Variants in CBLC observed in about 807,000 individuals in gnomAD.
CBLC encodes E3 ubiquitin-protein ligase CBL-C.
Under a neutral mutation model 58.6 loss-of-function variants are expected in CBLC, and 46 were observed. The ratio of observed to expected loss-of-function variants is 0.79; its 90% confidence interval spans 0.62 to 1.00. The LOEUF is 1.00. Among genes scored for constraint, CBLC ranks in the 50% least tolerant of loss-of-function variants. CBLC has a pLI of 0.00. For synonymous variants in CBLC, 271 were observed against 264.2 expected, an observed-to-expected ratio of 1.03 and a Z score of -0.25; for missense variants, 655 against 625.8, an observed-to-expected ratio of 1.05 and a Z score of -0.50.
chr19:44,793,454 T>G lies in CBLC; in HGVS notation c.1138-20T>G, dbSNP rs1355847120. 6.3e-7 allele frequency: 1 copy of G among 1,589,050 alleles called. No homozygotes were observed. Among genetic ancestry groups the G allele is most frequent in the Non-Finnish European group, 8.5e-7 (1 of 1,170,070 alleles). On this transcript the variant is annotated intron_variant, in intron 7 of 10. Coordinates refer to ENST00000647358, the MANE Select transcript of CBLC (RefSeq NM_012116.4). The stretch of plus-strand genomic sequence containing the variant: ...GGAGAGCAGGGGAGCACTGACCCTT[T>G]CCCTCCCGACCTCCCCCAGCACTCG...
At chr19:44,787,210 G>A (rs1438700813) in intron 5 of CBLC, among the ~76,000 whole-genome samples, 2 of 151,870 alleles carry the variant, frequency 1.3e-5, no homozygotes, top group Admixed American at 6.6e-5. Context: ...TGGCTAACAC[G>A]GTGAAACCCT....
chr19:44,778,350 C>A, intron 1 of CBLC, 66 bp downstream of exon 1: 5 of 1,340,488 alleles, frequency 3.7e-6, no homozygotes, highest in Non-Finnish European at 4.8e-6. Context: ...AGCCCCTCCT[C>A]CCCCAGACCC....
At chr19:44,786,233 G>A (rs1055147870) in intron 5 of CBLC, among the ~76,000 whole-genome samples, 1 of 151,788 alleles carries the variant, frequency 6.6e-6, no homozygotes, top group African/African-American at 2.4e-5. Context: ...ACGCCCGGCT[G>A]GGTCACCACA....
At chr19:44,787,646 G>C (rs542146943) in intron 5 of CBLC, among the ~76,000 whole-genome samples, 2 of 150,152 alleles carry the variant, frequency 1.3e-5, no homozygotes, top group East Asian at 4.1e-4. Flanking sequence ...GTGAAACCCC[G>C]TCTCTACTAA....
chr19:44,790,038 G>T lies in CBLC; in HGVS notation c.952G>T (p.Asp318Tyr), dbSNP rs182254561. Reference protein sequence around the residue: ...LYPDGKTHNPDLTELGQAEPQ... With the variant: ...LYPDGKTHNPYLTELGQAEPQ... ...CCCAGATGGAAAGACCCACAACCCA[G>T]ACCTGACTGAGCTCGGCCAGGCAGA... Residue 318 changes from aspartate (D) to tyrosine (Y), a missense_variant, in exon 6 of 11, where the codon GAC becomes TAC. By Grantham distance (160) the Asp-to-Tyr change is radical. Transcript: ENST00000647358. The T allele has an allele frequency of 9.3e-6, 15 of 1,613,764 alleles. No homozygotes were observed. The African/African-American group carries it at 1.3e-4, about 14-fold the overall frequency.
intron 5 of CBLC, among the ~76,000 whole-genome samples, chr19:44,787,953 GAGAAAAAA>G (rs1395753773): frequency 6.7e-6 from 1 of 149,706 alleles, no homozygotes; most frequent in African/African-American, 2.5e-5. Flanking sequence ...TCTCAATAAA[GAGAAAAAA>G]AGAAAAAAAA....
intron 5 of CBLC, among the ~76,000 whole-genome samples, chr19:44,786,467 C>G (rs1402556953): frequency 6.7e-6 from 1 of 149,974 alleles, no homozygotes; most frequent in Non-Finnish European, 1.5e-5. Context: ...TGGTGGCGGG[C>G]ACCTGTAGTC....
At position 44,793,353 on chromosome 19, in the gene CBLC, G is replaced by A. The variant is rs1168972890; in HGVS notation, c.1138-121G>A. 33 of 1,091,460 alleles carry A rather than the reference G, an allele frequency of 3.0e-5. No homozygotes were observed. The East Asian group carries it at 4.1e-4, about 14-fold the overall frequency. The allele number at this position is 1,091,460 out of a possible 1,614,324, so 67.6% of individuals were successfully genotyped here. A position where few individuals can be genotyped will look rare whatever the true frequency, so the allele number is the denominator to read the frequency against. On this transcript the variant is annotated intron_variant, in intron 7 of 10. Transcript: ENST00000647358. ...CTCTCCACGACTCTTCTCTCCTTCCGTCTCCCTTCCTCTGTCTGTCTTCCC... is the reference window on the plus strand; with the variant it reads ...CTCTCCACGACTCTTCTCTCCTTCCATCTCCCTTCCTCTGTCTGTCTTCCC...
Position 44,800,566 on chromosome 19 carries a change from T to A in CBLC, c.*23T>A. On this transcript the variant is annotated 3_prime_UTR_variant, in exon 11 of 11. Coordinates refer to ENST00000647358, the MANE Select transcript of CBLC (RefSeq NM_012116.4). ...CCGCCTACAGGGCACCCAGATGTGC[T>A]GCTCAAGGGAGCCCCAAGGGCTGGA... The A allele has an allele frequency of 1.6e-6, 1 of 631,036 alleles. No individual in the cohort carries two copies. The highest frequency in any genetic ancestry group is 2.8e-6 in the Non-Finnish European group (1 of 358,632). 39.1% of individuals were successfully genotyped at this position (631,036 alleles called of 1,614,324 possible). A position where few individuals can be genotyped will look rare whatever the true frequency, so the allele number is the denominator to read the frequency against.
chr19:44,791,880 G>A (rs147360159), intron 6 of CBLC, among the ~76,000 whole-genome samples: 2 of 151,902 alleles, frequency 1.3e-5, no homozygotes, highest in Non-Finnish European at 2.9e-5. Flanking sequence ...TGCTGCCCAC[G>A]CTGGTCCAGA....
chr19:44,790,281 A>G (rs1440602138), intron 6 of CBLC, among the ~76,000 whole-genome samples, 190 bp downstream of exon 6: 2 of 152,120 alleles, frequency 1.3e-5, no homozygotes, highest in Non-Finnish European at 2.9e-5. Flanking sequence ...CCCAGGGGTG[A>G]TCACGGGGAT....
intron 9 of CBLC, among the ~76,000 whole-genome samples, chr19:44,796,556 G>T (rs1599874839): frequency 6.6e-6 from 1 of 151,786 alleles, no homozygotes; most frequent in East Asian, 1.9e-4. Context: ...GGCAAATTTT[G>T]TATTTTTTAG....
chr19:44,798,330 C>T (rs576852127), intron 9 of CBLC, among the ~76,000 whole-genome samples: 4 of 152,140 alleles, frequency 2.6e-5, no homozygotes, highest in South Asian at 4.1e-4. Flanking sequence ...TTAGCCACTT[C>T]GTCTAGCCTC....
rs148633387 is a variant in CBLC, at chr19:44,798,313, G to A, written c.1363-2068G>A. ...TCAAGTCTCCCAAAGTGCTGGGATT[G>A]CTGGCATTAGCCACTTCGTCTAGCC... is the stretch of plus-strand genomic sequence containing the variant. On this transcript the variant is annotated intron_variant, in intron 9 of 10. Transcript: ENST00000647358. 8.5e-3 allele frequency among the ~76,000 whole-genome samples: 1,292 copies of A among 152,208 alleles called. 21 individuals are homozygous for A. The highest frequency in any genetic ancestry group is 0.03 in the African/African-American group (1,230 of 41,522).
At chr19:44,797,273 T>C (rs1394019674) in intron 9 of CBLC, among the ~76,000 whole-genome samples, 1 of 152,044 alleles carries the variant, frequency 6.6e-6, no homozygotes, top group Admixed American at 6.6e-5. Flanking sequence ...TTGTTTGAGA[T>C]GGAGTCTCAC....
chr19:44,784,634 A>G (rs538745358), intron 5 of CBLC, among the ~76,000 whole-genome samples: 19 of 152,288 alleles, frequency 1.2e-4, no homozygotes, highest in African/African-American at 4.3e-4. Flanking sequence ...CACAGCTCCG[A>G]GGAGAAGTGT....
intron 5 of CBLC, among the ~76,000 whole-genome samples, chr19:44,789,591 A>G (rs1967993518): frequency 6.6e-6 from 1 of 152,116 alleles, no homozygotes; most frequent in African/African-American, 2.4e-5. Flanking sequence ...GGGTTCCACC[A>G]TGTTAGCCAA....
At chr19:44,779,261 G>A (rs1967659099) in intron 1 of CBLC, among the ~76,000 whole-genome samples, 1 of 152,194 alleles carries the variant, frequency 6.6e-6, no homozygotes, top group Non-Finnish European at 1.5e-5. Flanking sequence ...GCCTCAGAAT[G>A]TGGAGACCCC....
intron 6 of CBLC, 93 bp from the exon 7 acceptor site, chr19:44,792,290 G>A (rs1968072024): frequency 2.8e-6 from 4 of 1,445,504 alleles, no homozygotes; most frequent in Non-Finnish European, 9.6e-7. Context: ...ACCACAACCA[G>A]CCGAGGTTTG....
Sources: gnomAD v4.1 joint callset for allele counts (sites outside exome capture counted in the v4.1 genomes callset) on GRCh38, gnomAD v4.1.1 for gene constraint, MANE v1.5 for transcripts, NCBI Gene and HGNC (gene_info 2026-07-23, HGNC 2026-07-21) for gene names.